The following CNOT1 variants were observed in gnomAD, a reference collection of about 807,000 sequenced individuals.
CNOT1 encodes the protein CCR4-NOT transcription complex subunit 1, also known as CCR4-associated factor 1.
In CNOT1, 15 loss-of-function variants were observed where a neutral mutation model predicts 273.8. The observed-to-expected ratio is 0.05, with a 90% confidence interval of 0.04 to 0.08. CNOT1 has a LOEUF of 0.08. Among genes scored for constraint, CNOT1 ranks in the 10% least tolerant of loss-of-function variants. The pLI, the probability that CNOT1 is intolerant of heterozygous loss-of-function variation, is 1.00. For synonymous variants in CNOT1, 1,022 were observed against 1,005.5 expected, an observed-to-expected ratio of 1.02 and a Z score of -0.31; for missense variants, 1,644 against 2,912.2, an observed-to-expected ratio of 0.56 and a Z score of 10.02.
At chr16:58,552,075 C>T (rs1448016039) in intron 22 of CNOT1, among the ~76,000 whole-genome samples, 2 of 152,064 alleles carry the variant, frequency 1.3e-5, no homozygotes, top group African/African-American at 4.8e-5. Flanking sequence ...CATATAAATG[C>T]CTTTAAACTT....
At chr16:58,525,041 T>C in intron 46 of CNOT1, 138 bp downstream of exon 46, 1 of 750,162 alleles carries the variant, frequency 1.3e-6, no homozygotes, top group Non-Finnish European at 2.2e-6. Flanking sequence ...GATAAAATAA[T>C]CAGCTAGACC....
intron 8 of CNOT1, among the ~76,000 whole-genome samples, chr16:58,584,524 T>C (rs183674192): frequency 5.9e-5 from 9 of 152,146 alleles, no homozygotes; most frequent in Admixed American, 5.2e-4. Context: ...ATAGACAGGG[T>C]CTTCACCATG....
intron 2 of CNOT1, among the ~76,000 whole-genome samples, chr16:58,592,368 G>A (rs913726863): frequency 3.3e-5 from 5 of 152,040 alleles, no homozygotes; most frequent in African/African-American, 4.8e-5. Context: ...CTATTAACAC[G>A]GTATTAAAAA....
At chr16:58,579,881 C>T (rs555465069) in intron 12 of CNOT1, among the ~76,000 whole-genome samples, 1 of 152,106 alleles carries the variant, frequency 6.6e-6, no homozygotes, top group South Asian at 2.1e-4. Flanking sequence ...AAATTTGAAA[C>T]TGGAACTCAG....
chr16:58,551,194 T>C lies in CNOT1; in HGVS notation c.3280A>G (p.Asn1094Asp). 1.2e-6 allele frequency: 2 copies of C among 1,611,218 alleles called. No individual in the cohort carries two copies. Among genetic ancestry groups the C allele is most frequent in the Non-Finnish European group, 1.7e-6 (2 of 1,179,240 alleles). ...ATAAAAGCAATTTTCTCCTGGATATTTTCTGGGGGCTCCACAATTCTCTCA... is the reference window on the plus strand; with the variant it reads ...ATAAAAGCAATTTTCTCCTGGATATCTTCTGGGGGCTCCACAATTCTCTCA... ...QTERIVEPPE[N>D]IQEKIAFIFN... The change falls in exon 24 of 49, where the codon AAT (asparagine) becomes GAT (aspartate). Residue 1094 changes from asparagine to aspartate, a missense_variant. Physicochemically the swap from Asn to Asp is conservative, Grantham distance 23. Around this residue, in one of 13 missense-constraint regions of CNOT1, gnomAD observed 124 missense variants for 289.3 expected, o/e 0.43. Transcript: ENST00000317147.
Position 58,585,423 on chromosome 16 carries a change from G to T in CNOT1, c.721C>A (p.Pro241Thr), listed in dbSNP as rs2041802307. The change falls in exon 8 of 49, where the codon CCT becomes ACT. Residue 241 changes from proline to threonine, a missense_variant. Pro to Thr is a conservative substitution (Grantham distance 38, BLOSUM62 -1). Coordinates refer to ENST00000317147, the MANE Select transcript of CNOT1 (RefSeq NM_016284.5). ...KRDILMDRIL[P>T]DSGGVAKTMM... ...GTTTTAGCTACCCCTCCGGAATCAGGCAGGATCCTGTCCATTAGAATGTCC... is the reference window on the plus strand; with the variant it reads ...GTTTTAGCTACCCCTCCGGAATCAGTCAGGATCCTGTCCATTAGAATGTCC... 1 of 1,613,686 alleles carries T rather than the reference G, an allele frequency of 6.2e-7. No homozygotes were observed. The highest frequency in any genetic ancestry group is 8.5e-7 in the Non-Finnish European group (1 of 1,180,010).
chr16:58,552,123 T>C (rs539296069), intron 22 of CNOT1, among the ~76,000 whole-genome samples: 1 of 152,066 alleles, frequency 6.6e-6, no homozygotes, highest in East Asian at 1.9e-4. Context: ...TAATAATTCA[T>C]ACAGGAAACT....
intron 1 of CNOT1, among the ~76,000 whole-genome samples, chr16:58,627,449 TATCCTAAAACA>T (rs2043633460): frequency 7.2e-6 from 1 of 139,764 alleles, no homozygotes; most frequent in South Asian, 2.3e-4. Flanking sequence ...GATCAGAATC[TATCCTAAAACA>T]TACTCAGAAA....
chr16:58,524,338 G>C (rs1359333911), intron 46 of CNOT1, among the ~76,000 whole-genome samples: 1 of 150,098 alleles, frequency 6.7e-6, no homozygotes, highest in Non-Finnish European at 1.5e-5. Flanking sequence ...ATTTTGATTA[G>C]TCTAAACTAC....
rs184246101 is a variant in CNOT1 at position 58,522,574 on chromosome 16, C to G, written c.6917+796G>C. Among the ~76,000 whole-genome samples the G allele has an allele frequency of 7.8e-3, 1,179 of 150,862 alleles. 10 individuals carry two copies. The highest frequency in any genetic ancestry group is 0.011 in the Non-Finnish European group (748 of 67,708). ...TTTTAAAGTGTGTGTGTGTGTGTAT[C>G]ACAATCTCTCTAATGCTATATGTAG... On this transcript the variant is annotated intron_variant, in intron 47 of 48. Transcript: ENST00000317147.
intron 38 of CNOT1, 120 bp downstream of exon 38, chr16:58,537,767 TACCC>T: frequency 1.2e-5 from 16 of 1,292,976 alleles, no homozygotes; most frequent in Non-Finnish European, 1.7e-5. Flanking sequence ...TTACCAAAGC[TACCC>T]ACCCATATGT....
intron 47 of CNOT1, among the ~76,000 whole-genome samples, chr16:58,521,866 G>A (rs1326928417): frequency 6.6e-6 from 1 of 151,990 alleles, no homozygotes; most frequent in African/African-American, 2.4e-5. Context: ...CAGGAGAATC[G>A]CTTGAACCCA....
chr16:58,573,160 G>T (rs909939488), intron 16 of CNOT1, among the ~76,000 whole-genome samples: 3 of 151,534 alleles, frequency 2.0e-5, no homozygotes, highest in African/African-American at 7.3e-5. Context: ...ACAAAAATTA[G>T]TGGGGCATGG....
intron 1 of CNOT1, among the ~76,000 whole-genome samples, chr16:58,609,184 C>T (rs2152029346): frequency 6.6e-6 from 1 of 152,128 alleles, no homozygotes; most frequent in East Asian, 1.9e-4. Context: ...CCAGCCTGAC[C>T]AACATGGTGA....
chr16:58,567,696 A>C (rs1319373467), intron 16 of CNOT1, among the ~76,000 whole-genome samples: 8 of 152,198 alleles, frequency 5.3e-5, no homozygotes. Context: ...ACAAGTGGGA[A>C]ATTTTTATTC....
chr16:58,525,948 A>G, intron 45 of CNOT1, 41 bp downstream of exon 45: 8 of 1,577,382 alleles, frequency 5.1e-6, no homozygotes, highest in Non-Finnish European at 7.0e-6. Context: ...AAAGTGCTTT[A>G]TATGGAAGAC....
At chr16:58,601,734 T>TAAAAAAAA (rs66711143) in intron 1 of CNOT1, among the ~76,000 whole-genome samples, 1,072 of 91,392 alleles carry the variant, frequency 0.012, 80 homozygotes, top group African/African-American at 0.039. Context: ...ATACCCACCT[T>TAAAAAAAA]AAAAAAAAAA....
intron 29 of CNOT1, 68 bp from the exon 30 acceptor site, chr16:58,545,559 A>T (rs561384851): frequency 7.8e-5 from 125 of 1,597,574 alleles, no homozygotes; most frequent in Middle Eastern, 7.0e-4. Flanking sequence ...AATTAGCTTA[A>T]TATCATTAAG....
Position 58,546,663 on chromosome 16 carries a change from G to C in CNOT1, c.3828+9C>G, listed in dbSNP as rs1200555271. 1 of 1,613,926 alleles carries C rather than the reference G, an allele frequency of 6.2e-7. No individual in the cohort carries two copies. The highest frequency in any genetic ancestry group is 2.2e-5 in the East Asian group (1 of 44,860). On this transcript the variant is annotated intron_variant, in intron 28 of 48. Coordinates refer to ENST00000317147, the MANE Select transcript of CNOT1 (RefSeq NM_016284.5). ...GAATGTTCCAGAGGACAAGGAAGCA[G>C]TAAATTACCTTTAAGTCATGCTCCT... is the stretch of plus-strand genomic sequence containing the variant.
Sources: gnomAD v4.1 joint callset for allele counts (sites outside exome capture counted in the v4.1 genomes callset) on GRCh38, gnomAD v4.1.1 for gene constraint, gnomAD v4.1.1 regional missense constraint, MANE v1.5 for transcripts, NCBI Gene and HGNC (gene_info 2026-07-23, HGNC 2026-07-21) for gene names.